Variants in PCDHA1 observed in about 807,000 individuals in gnomAD.
The protein encoded by PCDHA1 is protocadherin alpha 1.
Under a neutral mutation model 61.3 loss-of-function variants are expected in PCDHA1, and 42 were observed. The observed-to-expected ratio is 0.69, with a 90% CI of 0.54 to 0.89. The LOEUF is 0.89. PCDHA1 is among the 40% of genes least tolerant of loss of function. PCDHA1 has a pLI of 0.00. For missense variants in PCDHA1, 1,256 were observed against 1,235.3 expected, an observed-to-expected ratio of 1.02 and a Z score of -0.25; for synonymous variants, 610 against 553.8, an observed-to-expected ratio of 1.10 and a Z score of -1.43.
chr5:140,843,294 C>T lies in PCDHA1; in HGVS notation c.2394+54610C>T, dbSNP rs2150356676. 4 of 1,595,870 alleles carry T rather than the reference C, an allele frequency of 2.5e-6. No homozygotes were observed. Among genetic ancestry groups the T allele is most frequent in the East Asian group, 4.5e-5 (2 of 44,826 alleles). ...CTGGTGAAGGATCATGGTGAACCTG[C>T]GCTGACCGCCACGGCCACGGTTCTG... On this transcript the variant is annotated intron_variant, in intron 1 of 3. Transcript: ENST00000504120.
In PCDHA1 at chr5:140,958,013, G is replaced by A. The variant is rs553596138; in HGVS notation, c.2395-20936G>A. 2.6e-5 allele frequency among the ~76,000 whole-genome samples: 4 copies of A among 152,110 alleles called. No individual in the cohort carries two copies. In the South Asian group the frequency reaches 8.3e-4, roughly 32 times the overall value. On this transcript the variant is annotated intron_variant, in intron 1 of 3. Coordinates refer to ENST00000504120, the MANE Select transcript of PCDHA1 (RefSeq NM_018900.4). ...CAGATTTTTTGTTTCAATTCTATCA[G>A]CCAAGTATACTATGCTTTCTTTGCT...
chr5:140,843,686 CA>C (rs2150365068), intron 1 of PCDHA1: 11 of 1,588,582 alleles, frequency 6.9e-6, no homozygotes, highest in Non-Finnish European at 2.6e-6. Context: ...AGGCGAAGAG[CA>C]AGATTTAAAT....
intron 1 of PCDHA1, chr5:140,842,983 C>G (rs2150349153): frequency 6.3e-7 from 1 of 1,594,998 alleles, no homozygotes; most frequent in Non-Finnish European, 8.6e-7. Flanking sequence ...TGCAGGTGTT[C>G]GTGCTGGACG....
At chr5:140,844,853 C>T (rs1215427504) in intron 1 of PCDHA1, among the ~76,000 whole-genome samples, 1 of 149,202 alleles carries the variant, frequency 6.7e-6, no homozygotes, top group Admixed American at 6.7e-5. Flanking sequence ...ACTGTTGGAC[C>T]TGCCTGGATA....
chr5:140,900,912 A>AGAT (rs553485999), intron 1 of PCDHA1, among the ~76,000 whole-genome samples: 1 of 152,198 alleles, frequency 6.6e-6, no homozygotes, highest in Non-Finnish European at 1.5e-5. Context: ...AACTGTGGTA[A>AGAT]GATGATATCT....
At chr5:140,877,504 A>G (rs532509235) in intron 1 of PCDHA1, 1 of 1,613,764 alleles carries the variant, frequency 6.2e-7, no homozygotes, top group South Asian at 1.1e-5. Context: ...GGCCCCAAAG[A>G]CGTCGTCGCG....
At chr5:140,911,987 G>A (rs1554195079) in intron 1 of PCDHA1, among the ~76,000 whole-genome samples, 1 of 152,086 alleles carries the variant, frequency 6.6e-6, no homozygotes, top group Admixed American at 6.6e-5. Context: ...TGATCACAAG[G>A]TCCCACAATA....
At chr5:140,834,402 T>G in intron 1 of PCDHA1, 1 of 1,606,068 alleles carries the variant, frequency 6.2e-7, no homozygotes, top group East Asian at 2.2e-5. Context: ...CCCGAATGGA[T>G]ACGACCCAGG....
intron 1 of PCDHA1, chr5:140,841,549 G>T (rs781866504): frequency 6.2e-6 from 10 of 1,613,710 alleles, no homozygotes; most frequent in East Asian, 2.2e-5. Context: ...ACCTTCTGGA[G>T]GTAAGTCTGC....
rs1219715153 is a variant in PCDHA1 at position 140,821,593 on chromosome 5, C to A, written c.2394+32909C>A. 4.4e-6 allele frequency: 3 copies of A among 678,042 alleles called. No homozygotes were observed. In the East Asian group the frequency reaches 8.7e-5, roughly 20 times the overall value. 42.0% of individuals were successfully genotyped at this position (678,042 alleles called of 1,614,324 possible). A position where few individuals can be genotyped will look rare whatever the true frequency, so the allele number is the denominator to read the frequency against. ...CGGAAGGTTTTTCTCCCTTCCCAGCCTCAAAGGAATACAGTGAGTAGATTT... is the reference window on the plus strand; with the variant it reads ...CGGAAGGTTTTTCTCCCTTCCCAGCATCAAAGGAATACAGTGAGTAGATTT... On this transcript the variant is annotated intron_variant, in intron 1 of 3. Transcript: ENST00000504120.
intron 1 of PCDHA1, chr5:140,882,238 G>T: frequency 6.3e-7 from 1 of 1,583,494 alleles, no homozygotes; most frequent in Non-Finnish European, 8.6e-7. Context: ...TGTATATATT[G>T]CAGATAGCTC....
intron 3 of PCDHA1, among the ~76,000 whole-genome samples, chr5:140,988,469 G>A (rs2097299168): frequency 6.6e-6 from 1 of 152,150 alleles, no homozygotes; most frequent in Admixed American, 6.5e-5. Flanking sequence ...GGTGTGGGAA[G>A]GGGAATTAGC....
chr5:140,982,221 A>T, intron 2 of PCDHA1: 1 of 546,340 alleles, frequency 1.8e-6, no homozygotes. Flanking sequence ...ACATGGCGTT[A>T]ATAAAAAACA....
chr5:140,951,840 C>T (rs555935634), intron 1 of PCDHA1, among the ~76,000 whole-genome samples: 2 of 152,190 alleles, frequency 1.3e-5, no homozygotes, highest in African/African-American at 4.8e-5. Flanking sequence ...AGCATTAAGC[C>T]AAAAGTCCAA....
chr5:140,801,757 A>G (rs1554121673), intron 1 of PCDHA1: 1 of 1,613,996 alleles, frequency 6.2e-7, no homozygotes, highest in Admixed American at 1.7e-5. Flanking sequence ...AGAAATGATG[A>G]GGAAATTAAA....
intron 1 of PCDHA1, among the ~76,000 whole-genome samples, chr5:140,932,118 A>C (rs2088050775): frequency 6.6e-6 from 1 of 151,946 alleles, no homozygotes; most frequent in African/African-American, 2.4e-5. Flanking sequence ...CCAATTGATA[A>C]TATTTAAGAT....
intron 1 of PCDHA1, chr5:140,811,769 CAT>C (rs1764957001): frequency 6.6e-6 from 1 of 152,180 alleles, no homozygotes; most frequent in South Asian, 2.1e-4. Context: ...GGCATTTTTT[CAT>C]GTGTCTGTTG....
At chr5:140,803,926 A>G (rs1763304913) in intron 1 of PCDHA1, 2 of 470,048 alleles carry the variant, frequency 4.3e-6, no homozygotes, top group South Asian at 2.6e-5. Flanking sequence ...CTTGTTTTAT[A>G]CTTATCCCTA....
chr5:140,836,604 T>C (rs2150265296), intron 1 of PCDHA1: 1 of 1,613,700 alleles, frequency 6.2e-7, no homozygotes, highest in African/African-American at 1.3e-5. Flanking sequence ...CACTCTGGTG[T>C]GCTCCAGCGC....
Sources: gnomAD v4.1 joint callset for allele counts (sites outside exome capture counted in the v4.1 genomes callset) on GRCh38, gnomAD v4.1.1 for gene constraint, MANE v1.5 for transcripts, NCBI Gene and HGNC (gene_info 2026-07-23, HGNC 2026-07-21) for gene names.